The following EFNA5 variants were observed in gnomAD, a reference collection of about 807,000 sequenced individuals.
EFNA5 encodes the protein ephrin A5, also known as ephrin-A5.
Under a neutral mutation model 22.9 loss-of-function variants are expected in EFNA5, and 5 were observed. That is an observed-to-expected ratio of 0.22 (90% CI 0.11 to 0.46). The LOEUF is 0.46. Among genes scored for constraint, EFNA5 ranks in the 20% least tolerant of loss-of-function variants. The probability of loss-of-function intolerance (pLI) is 0.99; values close to 1 mark genes in which losing one functional copy is unlikely to be tolerated. For missense variants in EFNA5, 237 were observed against 293.3 expected, an observed-to-expected ratio of 0.81 and a Z score of 1.40; for synonymous variants, 113 against 112.2, an observed-to-expected ratio of 1.01 and a Z score of -0.04.
intron 1 of EFNA5, among the ~76,000 whole-genome samples, chr5:107,665,269 T>A (rs1751042619): frequency 6.6e-6 from 1 of 152,210 alleles, no homozygotes; most frequent in African/African-American, 2.4e-5. Context: ...CCCATCTTTA[T>A]GTCCTTATCC....
intron 1 of EFNA5, among the ~76,000 whole-genome samples, chr5:107,545,841 TA>T (rs1442232421): frequency 6.6e-6 from 1 of 152,202 alleles, no homozygotes; most frequent in Non-Finnish European, 1.5e-5. Flanking sequence ...GTTTTTTTCC[TA>T]ATCGAAACAC....
At chr5:107,644,246 G>A (rs1344088692) in intron 1 of EFNA5, among the ~76,000 whole-genome samples, 3 of 152,034 alleles carry the variant, frequency 2.0e-5, no homozygotes, top group Admixed American at 2.0e-4. Context: ...TCCTCCATTA[G>A]TGATAAATAG....
chr5:107,481,963 T>C (rs113685107), intron 1 of EFNA5, among the ~76,000 whole-genome samples: 4 of 152,192 alleles, frequency 2.6e-5, no homozygotes, highest in African/African-American at 9.6e-5. Flanking sequence ...TCTTGTGTAA[T>C]CATACACTTC....
chr5:107,542,520 A>G (rs1257907267), intron 1 of EFNA5, among the ~76,000 whole-genome samples: 1 of 136,322 alleles, frequency 7.3e-6, no homozygotes, highest in African/African-American at 2.7e-5. Flanking sequence ...TAAACTTCCC[A>G]CTTTCCTTTT....
intron 1 of EFNA5, among the ~76,000 whole-genome samples, chr5:107,617,443 G>C (rs1174064947): frequency 6.6e-6 from 1 of 152,140 alleles, no homozygotes; most frequent in Non-Finnish European, 1.5e-5. Flanking sequence ...CTGTTTTGGG[G>C]AAGTTTGCTT....
intron 1 of EFNA5, among the ~76,000 whole-genome samples, chr5:107,540,382 A>T (rs1454775866): frequency 6.6e-6 from 1 of 152,198 alleles, no homozygotes; most frequent in African/African-American, 2.4e-5. Flanking sequence ...AATCCCATTT[A>T]TTCTTGCACA....
At chr5:107,430,832 A>G (rs796410931) in intron 1 of EFNA5, among the ~76,000 whole-genome samples, 8 of 135,620 alleles carry the variant, frequency 5.9e-5, no homozygotes, top group African/African-American at 2.3e-4. Flanking sequence ...GCTGGAGTGC[A>G]GTGGTGTGAT....
intron 1 of EFNA5, among the ~76,000 whole-genome samples, chr5:107,446,115 C>G (rs1050009912): frequency 6.6e-6 from 1 of 152,136 alleles, no homozygotes; most frequent in Non-Finnish European, 1.5e-5. Flanking sequence ...TCACCTGTAA[C>G]ATCAGAACAT....
At chr5:107,459,613 C>T (rs919965519) in intron 1 of EFNA5, among the ~76,000 whole-genome samples, 2 of 152,064 alleles carry the variant, frequency 1.3e-5, no homozygotes, top group African/African-American at 4.8e-5. Flanking sequence ...CAAAAATTAT[C>T]TCCTGGAGTT....
At chr5:107,599,375 T>C (rs568954979) in intron 1 of EFNA5, among the ~76,000 whole-genome samples, 2 of 152,300 alleles carry the variant, frequency 1.3e-5, no homozygotes, top group Admixed American at 1.3e-4. Context: ...GAGTATGATA[T>C]GGTTTAAGTA....
intron 1 of EFNA5, among the ~76,000 whole-genome samples, chr5:107,559,314 T>C (rs1271420442): frequency 6.6e-6 from 1 of 152,236 alleles, no homozygotes; most frequent in African/African-American, 2.4e-5. Context: ...GTGACTCTTC[T>C]TCTTAAACCA....
intron 1 of EFNA5, among the ~76,000 whole-genome samples, chr5:107,603,664 A>T (rs26732): frequency 0.16 from 24,535 of 152,188 alleles, 2,389 homozygotes; most frequent in Non-Finnish European, 0.22. Flanking sequence ...ATGCTTGGTA[A>T]AGTACGTTTA....
At chr5:107,628,873 T>A (rs1370372423) in intron 1 of EFNA5, among the ~76,000 whole-genome samples, 1 of 152,146 alleles carries the variant, frequency 6.6e-6, no homozygotes, top group Non-Finnish European at 1.5e-5. Flanking sequence ...TAAAAACAAG[T>A]CATATAAGGA....
intron 1 of EFNA5, among the ~76,000 whole-genome samples, chr5:107,510,410 T>C (rs1158632995): frequency 6.6e-6 from 1 of 152,194 alleles, no homozygotes; most frequent in East Asian, 1.9e-4. Flanking sequence ...ACTGTAAGTA[T>C]CCTTAGTCTA....
chr5:107,427,076 C>T (rs1344938060), intron 2 of EFNA5, 141 bp downstream of exon 2: 1 of 863,958 alleles, frequency 1.2e-6, no homozygotes, highest in East Asian at 2.6e-5. Context: ...GCTAATGTAT[C>T]TAGGGATCCT....
intron 2 of EFNA5, among the ~76,000 whole-genome samples, chr5:107,410,284 C>T (rs1185483969): frequency 6.6e-6 from 1 of 152,052 alleles, no homozygotes; most frequent in Non-Finnish European, 1.5e-5. Flanking sequence ...CCTGCCTCAG[C>T]CTCCCAATAA....
chr5:107,500,015 A>G (rs1477458866), intron 1 of EFNA5, among the ~76,000 whole-genome samples: 2 of 152,224 alleles, frequency 1.3e-5, no homozygotes, highest in Non-Finnish European at 2.9e-5. Context: ...CAGCCTGCAG[A>G]AAGGAATCCA....
At chr5:107,591,780 G>A (rs1419442891) in intron 1 of EFNA5, among the ~76,000 whole-genome samples, 3 of 131,858 alleles carry the variant, frequency 2.3e-5, no homozygotes, top group African/African-American at 9.0e-5. Context: ...AAGATTGCAC[G>A]ACTGCACTCC....
chr5:107,455,913 T>C (rs1309581306), intron 1 of EFNA5, among the ~76,000 whole-genome samples: 1 of 152,190 alleles, frequency 6.6e-6, no homozygotes, highest in Admixed American at 6.6e-5. Context: ...ACAGCTGCCC[T>C]GACTGGGTGC....
Sources: allele counts gnomAD v4.1 joint callset (sites outside exome capture counted in the v4.1 genomes callset), GRCh38; gene constraint gnomAD v4.1.1; transcripts MANE v1.5; gene names NCBI Gene and HGNC (gene_info 2026-07-23, HGNC 2026-07-21).